The following KIF3C variants were observed in gnomAD, a reference collection of about 807,000 sequenced individuals.
KIF3C encodes the protein kinesin-like protein KIF3C.
In KIF3C, 12 loss-of-function variants were observed where a neutral mutation model predicts 67.7. That is an observed-to-expected ratio of 0.18 (90% confidence interval 0.11 to 0.29). The LOEUF (loss-of-function observed/expected upper bound fraction) is 0.29, where lower values mean the gene tolerates loss of function less well. Among genes scored for constraint, KIF3C ranks in the 10% least tolerant of loss-of-function variants. KIF3C has a pLI of 1.00. For missense variants in KIF3C, 789 were observed against 1,059.6 expected (o/e 0.74, Z 3.55); for synonymous variants, 393 against 426.2 (o/e 0.92, Z 0.96).
At chr2:25,954,934 G>A (rs1019992427) in intron 3 of KIF3C, among the ~76,000 whole-genome samples, 1 of 152,186 alleles carries the variant, frequency 6.6e-6, no homozygotes, top group Non-Finnish European at 1.5e-5. Context: ...CGTGGTAACT[G>A]CCACAGTGGC....
At chr2:25,975,473 G>A (rs1391622812) in intron 1 of KIF3C, among the ~76,000 whole-genome samples, 2 of 152,108 alleles carry the variant, frequency 1.3e-5, no homozygotes, top group Non-Finnish European at 2.9e-5. Context: ...AATTTGCCCA[G>A]CCTACTCCTA....
intron 6 of KIF3C, 143 bp from the exon 7 acceptor site, chr2:25,929,620 T>C (rs534592345): frequency 1.6e-6 from 1 of 644,936 alleles, no homozygotes; most frequent in Admixed American, 3.0e-5. Context: ...TAGGCTCTTT[T>C]TTTTTTTTCT....
At chr2:25,957,519 C>T (rs555737071) in intron 1 of KIF3C, among the ~76,000 whole-genome samples, 1 of 152,192 alleles carries the variant, frequency 6.6e-6, no homozygotes, top group Non-Finnish European at 1.5e-5. Flanking sequence ...CAGTTGTCCT[C>T]TGGCTTCATC....
Position 25,980,232 on chromosome 2 carries a change from G to A in KIF3C, c.1545+141C>T, listed in dbSNP as rs1664527859. ...AGCAATTTGCCTGGCTGCTCTGGGG[G>A]CACATTTGGCAGGAGGGCAGTGTGC... On this transcript the variant is annotated intron_variant, in intron 1 of 7. Coordinates refer to ENST00000264712, the MANE Select transcript of KIF3C (RefSeq NM_002254.8). The surrounding 1 kb of genome is among the most constrained non-coding windows in gnomAD (Gnocchi z 7.6). 5 of 696,842 alleles carry A rather than the reference G, an allele frequency of 7.2e-6. No individual in the cohort carries two copies. The highest frequency in any genetic ancestry group is 4.0e-4 in the Middle Eastern group (1 of 2,478). 43.2% of individuals were successfully genotyped at this position (696,842 alleles called of 1,614,324 possible). A position where few individuals can be genotyped will look rare whatever the true frequency, so the allele number is the denominator to read the frequency against.
Position 25,980,551 on chromosome 2 carries a change from T to C in KIF3C, c.1367A>G (p.Asn456Ser). 1 of 1,614,142 alleles carries C rather than the reference T, an allele frequency of 6.2e-7. No individual in the cohort carries two copies. Among genetic ancestry groups the C allele is most frequent in the Middle Eastern group, 1.6e-4 (1 of 6,062 alleles). Reference protein sequence around the residue: ...QPILESALEKNMENYLQEQKE... With the variant: ...QPILESALEKSMENYLQEQKE... ...CTGTTCCTGCAGGTAATTCTCCATG[T>C]TCTTCTCCAAGGCTGACTCCAGGAT... Residue 456 changes from asparagine (N) to serine (S), a missense_variant, in exon 1 of 8, where the codon AAC (asparagine) becomes AGC (serine). By Grantham distance (46) the Asn-to-Ser change is conservative (BLOSUM62 1). This residue lies in a region of KIF3C where 648 missense variants were observed against 807.8 expected (regional missense o/e 0.80). Coordinates refer to ENST00000264712, the MANE Select transcript of KIF3C (RefSeq NM_002254.8). The surrounding 1 kb of genome is among the most constrained non-coding windows in gnomAD (Gnocchi z 7.6).
At chr2:25,961,080 C>T (rs957170544) in intron 1 of KIF3C, among the ~76,000 whole-genome samples, 1 of 152,306 alleles carries the variant, frequency 6.6e-6, no homozygotes, top group Admixed American at 6.5e-5. Flanking sequence ...CAACATGTTT[C>T]CGGCAAGAGG....
intron 4 of KIF3C, among the ~76,000 whole-genome samples, chr2:25,953,072 C>G (rs1344921028): frequency 6.6e-6 from 1 of 151,592 alleles, no homozygotes; most frequent in Admixed American, 6.6e-5. Context: ...AGTTTGAGAC[C>G]ACCCTGGCCA....
chr2:25,974,544 C>G (rs1182962338), intron 1 of KIF3C, among the ~76,000 whole-genome samples: 1 of 152,096 alleles, frequency 6.6e-6, no homozygotes, highest in Non-Finnish European at 1.5e-5. Flanking sequence ...GATACTATTA[C>G]TATCCCATTT....
In KIF3C at chr2:25,928,947, C is replaced by CT; in HGVS notation, c.*30dup. On this transcript the variant is annotated 3_prime_UTR_variant, in exon 8 of 8. Transcript: ENST00000264712. ...GGGTTGGCTGCCCCATCCCAGGAGTCTATTGGATGGGCAGCCTGACGTGAT... is the reference window on the plus strand; with the variant it reads ...GGGTTGGCTGCCCCATCCCAGGAGTCTTATTGGATGGGCAGCCTGACGTGAT... The CT allele has an allele frequency of 6.3e-7, 1 of 1,593,216 alleles. No homozygotes were observed. Among genetic ancestry groups the CT allele is most frequent in the Non-Finnish European group, 8.6e-7 (1 of 1,164,560 alleles).
chr2:25,934,886 A>G (rs993558338), intron 5 of KIF3C, among the ~76,000 whole-genome samples: 1 of 151,042 alleles, frequency 6.6e-6, no homozygotes, highest in Non-Finnish European at 1.5e-5. Flanking sequence ...GATTGTGCCA[A>G]TGAATAGTCA....
chr2:25,940,713 C>T (rs865905367), intron 5 of KIF3C, among the ~76,000 whole-genome samples: 2 of 112,020 alleles, frequency 1.8e-5, no homozygotes, highest in Admixed American at 1.3e-4. Context: ...TGCAGTGGTG[C>T]GATCTCAGCT....
intron 5 of KIF3C, among the ~76,000 whole-genome samples, chr2:25,945,586 A>G (rs991879584): frequency 6.6e-6 from 1 of 151,002 alleles, no homozygotes; most frequent in Non-Finnish European, 1.5e-5. Context: ...AAAAAAAAAA[A>G]AAGAATAAAA....
At chr2:25,962,067 C>G (rs894686724) in intron 1 of KIF3C, among the ~76,000 whole-genome samples, 3 of 152,160 alleles carry the variant, frequency 2.0e-5, no homozygotes, top group Admixed American at 6.5e-5. Context: ...TCCAATCCAT[C>G]CTGGCACATA....
At chr2:25,940,991 C>G (rs370345251) in intron 5 of KIF3C, among the ~76,000 whole-genome samples, 4 of 152,114 alleles carry the variant, frequency 2.6e-5, no homozygotes, top group Admixed American at 1.3e-4. Flanking sequence ...TAGTCTCTCT[C>G]TACTGCACCA....
chr2:25,963,089 CATAT>C (rs1171472340), intron 1 of KIF3C, among the ~76,000 whole-genome samples: 1 of 88,148 alleles, frequency 1.1e-5, no homozygotes, highest in South Asian at 3.0e-4. Context: ...CACATATATG[CATAT>C]ATATACATAT....
chr2:25,979,994 A>AG (rs922810378), intron 1 of KIF3C, among the ~76,000 whole-genome samples: 5 of 152,208 alleles, frequency 3.3e-5, no homozygotes, highest in Admixed American at 2.0e-4. Context: ...CTGCAGAGGG[A>AG]GGAAGCCTCA....
At chr2:25,944,838 A>C (rs1363968572) in intron 5 of KIF3C, among the ~76,000 whole-genome samples, 4 of 152,160 alleles carry the variant, frequency 2.6e-5, no homozygotes, top group Non-Finnish European at 5.9e-5. Context: ...TCAATATAAG[A>C]ATTTCAGGGA....
At chr2:25,929,834 T>G in intron 6 of KIF3C, 121 bp downstream of exon 6, 1 of 708,934 alleles carries the variant, frequency 1.4e-6, no homozygotes, top group Non-Finnish European at 2.5e-6. Context: ...CAGGCTGGTC[T>G]CGAACTCCTG....
At chr2:25,937,186 T>C (rs192742409) in intron 5 of KIF3C, among the ~76,000 whole-genome samples, 269 of 152,276 alleles carry the variant, frequency 1.8e-3, no homozygotes, top group Non-Finnish European at 2.5e-3. Flanking sequence ...AAGGCGACAG[T>C]TGGAAGAGGA....
Sources: allele counts gnomAD v4.1 joint callset (sites outside exome capture counted in the v4.1 genomes callset), GRCh38; gene constraint gnomAD v4.1.1; regional missense constraint gnomAD v4.1.1; non-coding constraint Gnocchi (gnomAD v3.1); transcripts MANE v1.5; gene names NCBI Gene and HGNC (gene_info 2026-07-23, HGNC 2026-07-21).